Variants in KIF1B observed in about 807,000 individuals in gnomAD.
KIF1B encodes the protein kinesin-like protein KIF1B.
Under a neutral mutation model 241.9 loss-of-function variants are expected in KIF1B, and 76 were observed. The observed-to-expected ratio is 0.31, with a 90% CI of 0.26 to 0.38. The LOEUF (loss-of-function observed/expected upper bound fraction) is 0.38, where lower values mean the gene tolerates loss of function less well. Ranked by LOEUF, KIF1B falls within the 10% of genes least tolerant of loss-of-function variation. The probability of loss-of-function intolerance (pLI) is 1.00; values close to 1 mark genes in which losing one functional copy is unlikely to be tolerated. For missense variants in KIF1B, 1,622 were observed against 2,271.4 expected (o/e 0.71, Z 5.81); for synonymous variants, 750 against 796.7 (o/e 0.94, Z 0.99).
At chr1:10,375,786 GTTTTTTTTTT>G (rs201620952) in intron 48 of KIF1B, among the ~76,000 whole-genome samples, 181 of 69,604 alleles carry the variant, frequency 2.6e-3, no homozygotes, top group African/African-American at 0.01. Flanking sequence ...TTCTTTTCTT[GTTTTTTTTTT>G]TTTTTTTTTT....
chr1:10,355,947 C>A (rs910910258), intron 38 of KIF1B, among the ~76,000 whole-genome samples: 5 of 151,984 alleles, frequency 3.3e-5, no homozygotes, highest in South Asian at 2.1e-4. Context: ...TGTTTATTTT[C>A]TTCTTTTGGA....
rs200265546 is a variant in KIF1B, at chr1:10,295,753, C to A, written c.1764C>A (p.Ser588Arg). 6.2e-7 allele frequency: 1 copy of A among 1,613,402 alleles called. No individual in the cohort carries two copies. Among genetic ancestry groups the A allele is most frequent in the South Asian group, 1.1e-5 (1 of 91,044 alleles). Residue 588 changes from serine to arginine, a missense_variant, in exon 19 of 49, where the codon AGC (serine) becomes AGA (arginine). Physicochemically the swap from Ser to Arg is moderately radical, Grantham distance 110 (BLOSUM62 -1). Around this residue, in one of 7 missense-constraint regions of KIF1B, gnomAD observed 44 missense variants for 28.6 expected, o/e 1.54. Coordinates refer to ENST00000676179, the MANE Select transcript of KIF1B (RefSeq NM_001365951.3). ...EEHCIFRSER[S>R]NSGEVIVTLE... is the part of the protein sequence containing the mutation. Reference sequence around the variant, plus strand: ...ATTGTATCTTCCGGAGTGAGAGAAGCAACAGCGGGGAAGGTGAGCATTCCT... The same window carrying A: ...ATTGTATCTTCCGGAGTGAGAGAAGAAACAGCGGGGAAGGTGAGCATTCCT...
At chr1:10,308,372 T>G (rs529117221) in intron 22 of KIF1B, 1 of 1,050,982 alleles carries the variant, frequency 9.5e-7, no homozygotes, top group African/African-American at 1.7e-5. Flanking sequence ...GAACCACTTT[T>G]GATTGTGAAA....
At chr1:10,277,914 A>T in intron 12 of KIF1B, 72 bp from the exon 13 acceptor site, 1 of 1,321,246 alleles carries the variant, frequency 7.6e-7, no homozygotes, top group Non-Finnish European at 1.1e-6. Context: ...TGATTTAGAG[A>T]TAATAGTATG....
intron 22 of KIF1B, chr1:10,304,603 T>C: frequency 6.2e-7 from 1 of 1,614,078 alleles, no homozygotes; most frequent in Non-Finnish European, 8.5e-7. Context: ...GAGGAGACAG[T>C]TCTCAGCACC....
At position 10,374,406 on chromosome 1, in the gene KIF1B, C is replaced by T; in HGVS notation, c.5037C>T (p.Ala1679=). 6.2e-7 allele frequency: 1 copy of T among 1,614,090 alleles called. No individual in the cohort carries two copies. Among genetic ancestry groups the T allele is most frequent in the Non-Finnish European group, 8.5e-7 (1 of 1,180,006 alleles). Residue 1679 remains alanine (A), a synonymous_variant, in exon 46 of 49, where the codon GCC becomes GCT. Transcript: ENST00000676179. This position sits in a 1 kb window ranked among gnomAD's most constrained non-coding sequence, Gnocchi z 4.3. ...CAGCTGTGGAAACACCATATTTGGC[C>T]CGAGCAGGAAAAAACGAATTTCTCA... ...IVPAVETPYL[A]RAGKNEFLNL...
rs147220540 is a variant in KIF1B, at chr1:10,229,584, C to T, written c.-79-2666C>T. Among the ~76,000 whole-genome samples the T allele has an allele frequency of 1.4e-4, 22 of 152,078 alleles. No homozygotes were observed. The East Asian group carries it at 3.9e-3, about 27-fold the overall frequency. ...AAATTAGGGGCCAGACAGCCGGGTG[C>T]GGTGGCTCATGCCTGTAATCCCAGC... is the stretch of plus-strand genomic sequence containing the variant. On this transcript the variant is annotated intron_variant, in intron 1 of 48. Transcript: ENST00000676179.
chr1:10,290,405 G>T (rs1388829886), intron 15 of KIF1B, among the ~76,000 whole-genome samples: 3 of 152,136 alleles, frequency 2.0e-5, no homozygotes, highest in Non-Finnish European at 4.4e-5. Flanking sequence ...TTGACTGCTG[G>T]GTTGTGTTCA....
Position 10,303,759 on chromosome 1 carries a change from G to A in KIF1B, c.2115+6513G>A, listed in dbSNP as rs567857993. The A allele has an allele frequency of 6.2e-7, 1 of 1,614,212 alleles. No homozygotes were observed. Among genetic ancestry groups the A allele is most frequent in the South Asian group, 1.1e-5 (1 of 91,084 alleles). ...AAATGCTCAAAATGGAAAAAGTCTT[G>A]CCACTGATCGGATCTCAGGAACAGA... On this transcript the variant is annotated intron_variant, in intron 22 of 48. Transcript: ENST00000676179. This position sits in a 1 kb window ranked among gnomAD's most constrained non-coding sequence, Gnocchi z 5.2.
chr1:10,256,700 A>ATTATT (rs1647802630), intron 3 of KIF1B, among the ~76,000 whole-genome samples: 1 of 148,446 alleles, frequency 6.7e-6, no homozygotes, highest in African/African-American at 2.5e-5. Flanking sequence ...AAATAATAAT[A>ATTATT]ATAATTATTA....
intron 8 of KIF1B, among the ~76,000 whole-genome samples, chr1:10,272,037 G>C (rs1441291340): frequency 1.3e-5 from 2 of 152,234 alleles, no homozygotes; most frequent in African/African-American, 4.8e-5. Flanking sequence ...ATATCTCGAA[G>C]ATACTTCAGG....
At chr1:10,292,181 A>T in intron 17 of KIF1B, 59 bp downstream of exon 17, 1 of 1,298,420 alleles carries the variant, frequency 7.7e-7, no homozygotes, top group Admixed American at 1.7e-5. Context: ...TGTCTTTGTT[A>T]CTGGGGCACT....
At chr1:10,302,606 C>T (rs1303535395) in intron 22 of KIF1B, among the ~76,000 whole-genome samples, 2 of 152,166 alleles carry the variant, frequency 1.3e-5, no homozygotes, top group Non-Finnish European at 2.9e-5. Flanking sequence ...TGGCGTCCTA[C>T]AGCCTTACTA....
In KIF1B at chr1:10,318,272, T is replaced by C. The variant is rs373055886; in HGVS notation, c.2116-1771T>C. 9.2e-5 allele frequency among the ~76,000 whole-genome samples: 14 copies of C among 151,644 alleles called. No homozygotes were observed. The East Asian group carries it at 2.5e-3, about 27-fold the overall frequency. On this transcript the variant is annotated intron_variant, in intron 22 of 48. Coordinates refer to ENST00000676179, the MANE Select transcript of KIF1B (RefSeq NM_001365951.3). Reference sequence around the variant, plus strand: ...CTTCTGAGCATTGCTTGGGAGCTCCTTTTGTAATGGAGTTTGCTAAATGGC... The same window carrying C: ...CTTCTGAGCATTGCTTGGGAGCTCCCTTTGTAATGGAGTTTGCTAAATGGC...
At chr1:10,291,227 G>T in intron 16 of KIF1B, 66 bp downstream of exon 16, 1 of 1,111,274 alleles carries the variant, frequency 9.0e-7, no homozygotes, top group Non-Finnish European at 1.3e-6. Context: ...TTTATCGTAA[G>T]AAAAGATAAA....
intron 28 of KIF1B, among the ~76,000 whole-genome samples, chr1:10,335,401 C>T (rs186907289): frequency 6.6e-6 from 1 of 152,194 alleles, no homozygotes; most frequent in African/African-American, 2.4e-5. Flanking sequence ...TACAGGTGCC[C>T]ACCATCACAC....
chr1:10,348,548 C>A, intron 36 of KIF1B, 101 bp from the exon 37 acceptor site: 1 of 837,416 alleles, frequency 1.2e-6, no homozygotes, highest in Non-Finnish European at 2.0e-6. Context: ...ACCTCTCCTT[C>A]CTGCTCATCC....
At chr1:10,235,455 G>C (rs554059584) in intron 2 of KIF1B, among the ~76,000 whole-genome samples, 8 of 152,192 alleles carry the variant, frequency 5.3e-5, no homozygotes, top group African/African-American at 1.9e-4. Flanking sequence ...GTCTCACCAT[G>C]TTGCCCAGGC....
At chr1:10,322,325 G>A (rs929147881) in intron 24 of KIF1B, among the ~76,000 whole-genome samples, 21 of 152,160 alleles carry the variant, frequency 1.4e-4, no homozygotes, top group Non-Finnish European at 3.1e-4. Context: ...CCAGCTCCAC[G>A]AGTGGTGTTG....
Sources: allele counts gnomAD v4.1 joint callset (sites outside exome capture counted in the v4.1 genomes callset), GRCh38; gene constraint gnomAD v4.1.1; regional missense constraint gnomAD v4.1.1; non-coding constraint Gnocchi (gnomAD v3.1); transcripts MANE v1.5; gene names NCBI Gene and HGNC (gene_info 2026-07-23, HGNC 2026-07-21).